The following TSHZ1 variants were observed in gnomAD, a reference collection of about 807,000 sequenced individuals.
The protein encoded by TSHZ1 is teashirt homolog 1.
A neutral mutation model predicts 67.1 loss-of-function variants in TSHZ1; 12 were observed. That is an observed-to-expected ratio of 0.18 (90% confidence interval 0.11 to 0.29). The LOEUF (loss-of-function observed/expected upper bound fraction) is 0.29. TSHZ1 is among the 10% of genes least tolerant of loss of function. The pLI, the probability that TSHZ1 is intolerant of heterozygous loss-of-function variation, is 1.00. For synonymous variants in TSHZ1, 632 were observed against 622.4 expected (o/e 1.02, Z -0.23); for missense variants, 1,305 against 1,413.9 (o/e 0.92, Z 1.23).
At position 75,286,921 on chromosome 18, in the gene TSHZ1, A is replaced by G. The variant is rs1599061672; in HGVS notation, c.1514A>G (p.Glu505Gly). ...GAAGAAAAGAAAGAGCCAGAGAAGG[A>G]GAAGCCGCCTGTGGCTGGCGACGCG... Reference protein sequence around the residue: ...TSEEKKEPEKEKPPVAGDAEK... With the variant: ...TSEEKKEPEKGKPPVAGDAEK... The change falls in exon 2 of 2, where the codon GAG (glutamate) becomes GGG (glycine). Residue 505 changes from glutamate to glycine, a missense_variant. Transcript: ENST00000580243. This position sits in a 1 kb window ranked among gnomAD's most constrained non-coding sequence, Gnocchi z 5.1. 2 of 1,614,210 alleles carry G rather than the reference A, an allele frequency of 1.2e-6. No homozygotes were observed. Among genetic ancestry groups the G allele is most frequent in the East Asian group, 2.2e-5 (1 of 44,882 alleles).
Position 75,287,530 on chromosome 18 carries a change from T to A in TSHZ1, c.2123T>A (p.Leu708Gln). Residue 708 changes from leucine (L) to glutamine (Q), a missense_variant, in exon 2 of 2, where the codon CTG becomes CAG. Coordinates refer to ENST00000580243, the MANE Select transcript of TSHZ1 (RefSeq NM_001308210.2). This position sits in a 1 kb window ranked among gnomAD's most constrained non-coding sequence, Gnocchi z 5.0. ...ETGKAKKEGP[L>Q]DVHTPNGTEP... ...GGGAAGGCCAAAAAGGAGGGACCGCTGGACGTTCACACCCCAAATGGCACA... is the reference window on the plus strand; with the variant it reads ...GGGAAGGCCAAAAAGGAGGGACCGCAGGACGTTCACACCCCAAATGGCACA... 1 of 1,614,234 alleles carries A rather than the reference T, an allele frequency of 6.2e-7. No homozygotes were observed. Among genetic ancestry groups the A allele is most frequent in the Non-Finnish European group, 8.5e-7 (1 of 1,180,046 alleles).
intron 1 of TSHZ1, among the ~76,000 whole-genome samples, chr18:75,244,155 A>G (rs1288130388): frequency 6.6e-6 from 1 of 152,136 alleles, no homozygotes; most frequent in African/African-American, 2.4e-5. Context: ...TCGGGGGAAT[A>G]GGCATCGTGC....
At position 75,211,286 on chromosome 18, in the gene TSHZ1, C is replaced by T. The variant is rs2022678661; in HGVS notation, c.-591C>T. On this transcript the variant is annotated 5_prime_UTR_variant, in exon 1 of 2. Coordinates refer to ENST00000580243, the MANE Select transcript of TSHZ1 (RefSeq NM_001308210.2). Reference sequence around the variant, plus strand: ...ACTCCTCTGTCTTGTTTGCTTTCTTCCTCTTAGACTAAGTGCGGGGAGGAA... The same window carrying T: ...ACTCCTCTGTCTTGTTTGCTTTCTTTCTCTTAGACTAAGTGCGGGGAGGAA... 1 of 152,038 alleles carries T rather than the reference C, an allele frequency of 6.6e-6. No individual in the cohort carries two copies. Among genetic ancestry groups the T allele is most frequent in the South Asian group, 2.1e-4 (1 of 4,832 alleles). 9.4% of individuals were successfully genotyped at this position (152,038 alleles called of 1,614,324 possible). A position where few individuals can be genotyped will look rare whatever the true frequency, so the allele number is the denominator to read the frequency against.
intron 1 of TSHZ1, among the ~76,000 whole-genome samples, chr18:75,279,486 C>T (rs748593380): frequency 1.3e-5 from 2 of 152,180 alleles, no homozygotes; most frequent in Non-Finnish European, 2.9e-5. Flanking sequence ...GCCGGCCCTC[C>T]TGTTTGTCAG....
intron 1 of TSHZ1, among the ~76,000 whole-genome samples, chr18:75,258,803 A>T (rs963095927): frequency 1.3e-5 from 2 of 152,178 alleles, no homozygotes; most frequent in African/African-American, 4.8e-5. Context: ...CTCACAGTGA[A>T]GATCAGGGCA....
At chr18:75,242,520 T>G (rs1041200363) in intron 1 of TSHZ1, among the ~76,000 whole-genome samples, 3 of 152,254 alleles carry the variant, frequency 2.0e-5, no homozygotes, top group Non-Finnish European at 4.4e-5. Context: ...GTGGACCATT[T>G]GTCATTCTGA....
Position 75,286,946 on chromosome 18 carries a change from G to A in TSHZ1, c.1539G>A (p.Ala513=), listed in dbSNP as rs111329836. Reference sequence around the variant, plus strand: ...AGAAGCCGCCTGTGGCTGGCGACGCGGAGAAGATCAAGGAGGAGAGTGAGG... The same window carrying A: ...AGAAGCCGCCTGTGGCTGGCGACGCAGAGAAGATCAAGGAGGAGAGTGAGG... ...EKEKPPVAGD[A]EKIKEESEDS... is the part of the protein sequence containing the mutation. The change falls in exon 2 of 2, where the codon GCG becomes GCA. Residue 513 remains alanine (A), a synonymous_variant. Transcript: ENST00000580243. The surrounding 1 kb of genome is among the most constrained non-coding windows in gnomAD (Gnocchi z 5.1). 5.2e-5 allele frequency: 84 copies of A among 1,614,156 alleles called. No individual in the cohort carries two copies. Among genetic ancestry groups the A allele is most frequent in the East Asian group, 3.6e-4 (16 of 44,882 alleles).
rs995466791 is a variant in TSHZ1, at chr18:75,288,954, A to C, written c.*313A>C. Reference sequence around the variant, plus strand: ...AGCAGTAAAGAAAGACACAAATAACAATGATAAAAAGACATCCTAAAATGG... The same window carrying C: ...AGCAGTAAAGAAAGACACAAATAACCATGATAAAAAGACATCCTAAAATGG... On this transcript the variant is annotated 3_prime_UTR_variant, in exon 2 of 2. Transcript: ENST00000580243. This position sits in a 1 kb window ranked among gnomAD's most constrained non-coding sequence, Gnocchi z 4.9. The C allele has an allele frequency of 7.0e-5, 16 of 229,206 alleles. No individual in the cohort carries two copies. The highest frequency in any genetic ancestry group is 3.7e-4 in the African/African-American group (16 of 43,572). The allele number at this position is 229,206 out of a possible 1,614,324, so 14.2% of individuals were successfully genotyped here. A position where few individuals can be genotyped will look rare whatever the true frequency, so the allele number is the denominator to read the frequency against.
chr18:75,230,343 G>A (rs550381238), intron 1 of TSHZ1, among the ~76,000 whole-genome samples: 6 of 152,240 alleles, frequency 3.9e-5, no homozygotes, highest in East Asian at 3.9e-4. Flanking sequence ...CTGGAGCAGC[G>A]TGTTCCTAGG....
At chr18:75,246,977 A>T (rs2122559242) in intron 1 of TSHZ1, among the ~76,000 whole-genome samples, 1 of 152,240 alleles carries the variant, frequency 6.6e-6, no homozygotes, top group East Asian at 1.9e-4. Flanking sequence ...AGGGAGCGGG[A>T]GTGGAGGATT....
At chr18:75,213,928 GA>G (rs2022732667) in intron 1 of TSHZ1, among the ~76,000 whole-genome samples, 1 of 152,106 alleles carries the variant, frequency 6.6e-6, no homozygotes, top group African/African-American at 2.4e-5. Context: ...ACTTGAGAGG[GA>G]AAAAACCCTA....
intron 1 of TSHZ1, among the ~76,000 whole-genome samples, chr18:75,232,364 T>A (rs1011419797): frequency 6.6e-5 from 10 of 152,234 alleles, no homozygotes; most frequent in Non-Finnish European, 1.3e-4. Context: ...TATACTAGTA[T>A]CTTTTTACAT....
In TSHZ1 at chr18:75,287,277, C is replaced by T. The variant is rs748370995; in HGVS notation, c.1870C>T (p.Pro624Ser). 3 of 1,613,980 alleles carry T rather than the reference C, an allele frequency of 1.9e-6. No individual in the cohort carries two copies. Among genetic ancestry groups the T allele is most frequent in the Non-Finnish European group, 2.5e-6 (3 of 1,179,976 alleles). Residue 624 changes from proline (P) to serine (S), a missense_variant, in exon 2 of 2, where the codon CCA becomes TCA. Around this residue, in one of 3 missense-constraint regions of TSHZ1, gnomAD observed 909 missense variants for 961.8 expected, o/e 0.95. Transcript: ENST00000580243. This position sits in a 1 kb window ranked among gnomAD's most constrained non-coding sequence, Gnocchi z 5.0. ...SAEHNALLHSPGSLTPPPHKS... is the reference protein window; with the variant it reads ...SAEHNALLHSSGSLTPPPHKS... ...CGAGCACAACGCCCTCCTGCACTCC[C>T]CAGGGAGCCTCACGCCCCCACCGCA...
intron 1 of TSHZ1, among the ~76,000 whole-genome samples, chr18:75,226,401 T>C (rs1342599935): frequency 6.6e-6 from 1 of 152,186 alleles, no homozygotes; most frequent in Non-Finnish European, 1.5e-5. Flanking sequence ...CACTGTCTTA[T>C]CTGTTTGTAA....
At position 75,285,570 on chromosome 18, in the gene TSHZ1, G is replaced by A. The variant is rs375819140; in HGVS notation, c.163G>A (p.Glu55Lys). The change falls in exon 2 of 2, where the codon GAG (glutamate) becomes AAG (lysine). Residue 55 changes from glutamate (E) to lysine (K), a missense_variant. By Grantham distance (56) the Glu-to-Lys change is moderately conservative. This residue lies in a region of TSHZ1 where 358 missense variants were observed against 375.6 expected (regional missense o/e 0.95). Coordinates refer to ENST00000580243, the MANE Select transcript of TSHZ1 (RefSeq NM_001308210.2). ...GTGCAATGAAGAGACGGAGATCAAA[G>A]AGGCGCAGAGCTACCAGAACTCCCC... ...YMCNEETEIK[E>K]AQSYQNSPVS... 8.6e-5 allele frequency: 137 copies of A among 1,595,274 alleles called. No homozygotes were observed. The highest frequency in any genetic ancestry group is 1.1e-4 in the Non-Finnish European group (132 of 1,166,430).
intron 1 of TSHZ1, among the ~76,000 whole-genome samples, chr18:75,252,954 G>A (rs2023321962): frequency 6.6e-6 from 1 of 151,810 alleles, no homozygotes; most frequent in South Asian, 2.1e-4. Context: ...AATCATTTTT[G>A]TCACACCTTG....
chr18:75,225,032 G>A (rs538860003), intron 1 of TSHZ1, among the ~76,000 whole-genome samples: 94 of 151,560 alleles, frequency 6.2e-4, no homozygotes, highest in African/African-American at 2.1e-3. Context: ...TAGAGAATTT[G>A]CTTTTGGTAA....
intron 1 of TSHZ1, among the ~76,000 whole-genome samples, chr18:75,222,583 G>GT (rs1300077278): frequency 6.6e-6 from 1 of 152,120 alleles, no homozygotes; most frequent in Non-Finnish European, 1.5e-5. Context: ...TTCAATGCTG[G>GT]TGACAGCCAC....
At chr18:75,240,369 T>G (rs2023138259) in intron 1 of TSHZ1, among the ~76,000 whole-genome samples, 1 of 150,868 alleles carries the variant, frequency 6.6e-6, no homozygotes, top group African/African-American at 2.4e-5. Context: ...ATTGCTCCTT[T>G]TTTTTTTTTT....
Sources: gnomAD v4.1 joint callset for allele counts (sites outside exome capture counted in the v4.1 genomes callset) on GRCh38, gnomAD v4.1.1 for gene constraint, gnomAD v4.1.1 regional missense constraint, Gnocchi (gnomAD v3.1) non-coding constraint, MANE v1.5 for transcripts, NCBI Gene and HGNC (gene_info 2026-07-23, HGNC 2026-07-21) for gene names.